WAC: variants seen among roughly 807,000 people sequenced by gnomAD.
The protein encoded by WAC is WW domain containing adaptor with coiled-coil, also known as WW domain-containing adapter protein with coiled-coil.
In WAC, 11 loss-of-function variants were observed where a neutral mutation model predicts 79.6. The observed-to-expected ratio is 0.14, with a 90% CI of 0.09 to 0.23. WAC has a LOEUF of 0.23. Ranked by LOEUF, WAC falls within the 10% of genes least tolerant of loss-of-function variation. WAC has a pLI of 1.00. For missense variants in WAC, 728 were observed against 773.5 expected, an observed-to-expected ratio of 0.94 and a Z score of 0.70; for synonymous variants, 304 against 276.9, an observed-to-expected ratio of 1.10 and a Z score of -0.97.
chr10:28,548,469 T>C (rs1029300707), intron 3 of WAC, among the ~76,000 whole-genome samples: 1 of 152,172 alleles, frequency 6.6e-6, no homozygotes, highest in African/African-American at 2.4e-5. Flanking sequence ...CTGGGGAGAA[T>C]CTCTTGGCAT....
intron 7 of WAC, among the ~76,000 whole-genome samples, chr10:28,597,609 T>C (rs1840448858): frequency 6.6e-6 from 1 of 152,194 alleles, no homozygotes; most frequent in African/African-American, 2.4e-5. Flanking sequence ...TTGGTAGTCA[T>C]TTTGTTACTG....
At chr10:28,603,349 T>C (rs915964465) in intron 7 of WAC, among the ~76,000 whole-genome samples, 2 of 152,222 alleles carry the variant, frequency 1.3e-5, no homozygotes, top group African/African-American at 4.8e-5. Flanking sequence ...GCTTGATCTA[T>C]AGTAGTCTAG....
At chr10:28,604,894 C>G (rs534968186) in intron 7 of WAC, among the ~76,000 whole-genome samples, 1 of 152,216 alleles carries the variant, frequency 6.6e-6, no homozygotes, top group Non-Finnish European at 1.5e-5. Context: ...TATAAAACTT[C>G]TACCTTTTAT....
intron 6 of WAC, among the ~76,000 whole-genome samples, chr10:28,595,079 A>G (rs1203050304): frequency 6.6e-6 from 1 of 152,230 alleles, no homozygotes; most frequent in Non-Finnish European, 1.5e-5. Flanking sequence ...CTATTTTCAG[A>G]TAGCATTATG....
chr10:28,606,602 TTATAG>T (rs1840965997), intron 7 of WAC, among the ~76,000 whole-genome samples: 2 of 152,316 alleles, frequency 1.3e-5, no homozygotes, highest in South Asian at 4.1e-4. Flanking sequence ...CTTTCGACCA[TTATAG>T]TAGTGTAAAA....
chr10:28,617,678 G>A lies in WAC; in HGVS notation c.1768G>A (p.Ala590Thr), dbSNP rs1841531092. The change falls in exon 13 of 14, where the codon GCG becomes ACG. Residue 590 changes from alanine (A) to threonine (T), a missense_variant. Physicochemically the swap from Ala to Thr is moderately conservative, Grantham distance 58. Transcript: ENST00000354911. ...ACAGGCATCAAGATTACGCGAAGAA[G>A]CGCATAACATGGGAACTATTCACAT... ...EKQASRLREE[A>T]HNMGTIHMSE... The A allele has an allele frequency of 1.3e-6, 2 of 1,580,376 alleles. No individual in the cohort carries two copies. The highest frequency in any genetic ancestry group is 1.9e-5 in the Admixed American group (1 of 52,080).
At chr10:28,595,170 T>G (rs1840292563) in intron 6 of WAC, among the ~76,000 whole-genome samples, 1 of 152,204 alleles carries the variant, frequency 6.6e-6, no homozygotes, top group Non-Finnish European at 1.5e-5. Context: ...TCACAGTTCA[T>G]CATAACTTCA....
intron 3 of WAC, among the ~76,000 whole-genome samples, chr10:28,544,616 T>C (rs1837251387): frequency 1.3e-5 from 2 of 152,218 alleles, no homozygotes; most frequent in African/African-American, 4.8e-5. Context: ...AAGCTGCTGC[T>C]GCTTTCTTTG....
Position 28,533,595 on chromosome 10 carries a change from A to T in WAC, c.16A>T (p.Arg6Trp). ...CCGGGCATTGATGGTAATGTATGCG[A>T]GGAAACAGCAGAGACTCAGTGATGG... is the stretch of plus-strand genomic sequence containing the variant. MVMYA[R>W]KQQRLSDGCH... Residue 6 changes from arginine to tryptophan, a missense_variant, in exon 1 of 14, where the codon AGG becomes TGG. By Grantham distance (101) the Arg-to-Trp change is moderately radical. This residue lies in a region of WAC where 648 missense variants were observed against 661.5 expected (regional missense o/e 0.98). Transcript: ENST00000354911. 6.3e-7 allele frequency: 1 copy of T among 1,583,320 alleles called. No individual in the cohort carries two copies. The highest frequency in any genetic ancestry group is 8.6e-7 in the Non-Finnish European group (1 of 1,164,170).
At chr10:28,537,138 C>G (rs188911794) in intron 3 of WAC, among the ~76,000 whole-genome samples, 1 of 152,272 alleles carries the variant, frequency 6.6e-6, no homozygotes, top group Non-Finnish European at 1.5e-5. Context: ...GAAAGTAGTT[C>G]TCTATTGAAT....
chr10:28,556,388 A>ATTT (rs764934182), intron 3 of WAC, among the ~76,000 whole-genome samples: 2,832 of 54,988 alleles, frequency 0.052, 573 homozygotes, highest in East Asian at 0.19. Flanking sequence ...TGCCCATTAA[A>ATTT]TTTTTTTTTT....
At chr10:28,554,125 C>G (rs554171125) in intron 3 of WAC, among the ~76,000 whole-genome samples, 2 of 152,324 alleles carry the variant, frequency 1.3e-5, no homozygotes, top group South Asian at 4.1e-4. Flanking sequence ...GCCTCTTCCT[C>G]CCACAGTGCT....
chr10:28,575,843 T>C (rs1839215021), intron 3 of WAC, among the ~76,000 whole-genome samples: 1 of 152,232 alleles, frequency 6.6e-6, no homozygotes, highest in African/African-American at 2.4e-5. Context: ...TTTAAAACTC[T>C]CCTGTCGCAT....
chr10:28,599,134 T>G (rs1324158490), intron 7 of WAC, among the ~76,000 whole-genome samples: 1 of 152,242 alleles, frequency 6.6e-6, no homozygotes, highest in African/African-American at 2.4e-5. Flanking sequence ...TTAAGCTTTC[T>G]ATTGACTCTT....
chr10:28,606,974 G>A (rs544947915), intron 7 of WAC, among the ~76,000 whole-genome samples: 1 of 152,162 alleles, frequency 6.6e-6, no homozygotes, highest in East Asian at 1.9e-4. Context: ...ATTATGGTGA[G>A]TGTAAAGGGT....
Position 28,550,109 on chromosome 10 carries a change from C to T in WAC, c.274+14352C>T, listed in dbSNP as rs902107216. Among the ~76,000 whole-genome samples, 7 of 150,236 alleles carry T rather than the reference C, an allele frequency of 4.7e-5. No homozygotes were observed. The South Asian group carries it at 1.1e-3, about 23-fold the overall frequency. ...GCTTGAACTTGGGAGATGGAGGTCG[C>T]GGTGAGCGGAGATCACACCACTGCA... On this transcript the variant is annotated intron_variant, in intron 3 of 13. Coordinates refer to ENST00000354911, the MANE Select transcript of WAC (RefSeq NM_016628.5).
chr10:28,534,537 A>G lies in WAC; in HGVS notation c.78+503A>G, dbSNP rs1372562426. ...CTTAATTGCCTTACAAGTAAAAGAT[A>G]TGTGTGCTTTTGTTTCTGTAAGAAT... On this transcript the variant is annotated intron_variant, in intron 2 of 13. Coordinates refer to ENST00000354911, the MANE Select transcript of WAC (RefSeq NM_016628.5). 2.0e-5 allele frequency among the ~76,000 whole-genome samples: 3 copies of G among 152,354 alleles called. No individual in the cohort carries two copies. The East Asian group carries it at 5.8e-4, about 29-fold the overall frequency.
intron 3 of WAC, among the ~76,000 whole-genome samples, chr10:28,552,292 T>C (rs1837723058): frequency 6.6e-6 from 1 of 152,186 alleles, no homozygotes; most frequent in Non-Finnish European, 1.5e-5. Context: ...ATCGTTATGG[T>C]TTTTCTTCTG....
At chr10:28,587,571 T>G (rs1341493548) in intron 4 of WAC, among the ~76,000 whole-genome samples, 1 of 152,244 alleles carries the variant, frequency 6.6e-6, no homozygotes, top group Non-Finnish European at 1.5e-5. Context: ...TTTAAATGTT[T>G]GCAGGCCTTT....
Sources: gnomAD v4.1 joint callset for allele counts (sites outside exome capture counted in the v4.1 genomes callset) on GRCh38, gnomAD v4.1.1 for gene constraint, gnomAD v4.1.1 regional missense constraint, MANE v1.5 for transcripts, NCBI Gene and HGNC (gene_info 2026-07-23, HGNC 2026-07-21) for gene names.